The following EFCAB9 variants were observed in gnomAD, a reference collection of about 807,000 sequenced individuals.
EFCAB9 encodes the protein EF-hand calcium-binding domain-containing protein 9.
EFCAB9 carries 16 observed loss-of-function variants against 15.6 expected under a neutral mutation model. The ratio of observed to expected loss-of-function variants is 1.03; its 90% CI spans 0.69 to 1.56. EFCAB9 has a LOEUF of 1.56. Ranked by LOEUF, EFCAB9 falls within the 40% of genes most tolerant of loss-of-function variation. The pLI, the probability that EFCAB9 is intolerant of heterozygous loss-of-function variation, is 0.00. For synonymous variants in EFCAB9, 76 were observed against 85.4 expected (o/e 0.89, Z 0.61); for missense variants, 208 against 235.4 (o/e 0.88, Z 0.76).
intron 1 of EFCAB9, 107 bp downstream of exon 1, chr5:172,194,415 T>G (rs1269726291): frequency 7.1e-7 from 1 of 1,403,644 alleles, no homozygotes; most frequent in Non-Finnish European, 9.4e-7. Context: ...TTTTTTTTTT[T>G]TTGAGACGGA....
chr5:172,202,658 A>C (rs1323671448), intron 3 of EFCAB9, among the ~76,000 whole-genome samples: 1 of 151,936 alleles, frequency 6.6e-6, no homozygotes, highest in African/African-American at 2.4e-5. Context: ...CAGTGAGCTG[A>C]GATCACGCCA....
chr5:172,202,244 G>A (rs771048253), intron 3 of EFCAB9, among the ~76,000 whole-genome samples: 14 of 149,406 alleles, frequency 9.4e-5, no homozygotes, highest in Non-Finnish European at 2.1e-4. Context: ...GGGAGGCTAA[G>A]GCAGGAGAAT....
At chr5:172,200,218 C>T (rs1222043654) in intron 2 of EFCAB9, among the ~76,000 whole-genome samples, 2 of 152,152 alleles carry the variant, frequency 1.3e-5, no homozygotes, top group African/African-American at 4.8e-5. Flanking sequence ...CCACACCCCG[C>T]CTCAGTTCCC....
chr5:172,199,461 A>G lies in EFCAB9; in HGVS notation c.215A>G (p.Asp72Gly). ...ATCAACATTGTGTTTGACATGCTGG[A>G]CTGGAACGCTGTGGGCGAGATCGAC... Reference protein sequence around the residue: ...AQINIVFDMLDWNAVGEIDFE... With the variant: ...AQINIVFDMLGWNAVGEIDFE... The change falls in exon 2 of 4, where the codon GAC (aspartate) becomes GGC (glycine). Residue 72 changes from aspartate to glycine, a missense_variant. By Grantham distance (94) the Asp-to-Gly change is moderately conservative. Coordinates refer to ENST00000398186, the MANE Select transcript of EFCAB9 (RefSeq NM_001171183.2). The G allele has an allele frequency of 6.5e-7, 1 of 1,537,344 alleles. No individual in the cohort carries two copies. Among genetic ancestry groups the G allele is most frequent in the Non-Finnish European group, 8.7e-7 (1 of 1,146,930 alleles).
At chr5:172,200,403 G>C (rs550285276) in intron 2 of EFCAB9, among the ~76,000 whole-genome samples, 163 bp from the exon 3 acceptor site, 16 of 152,338 alleles carry the variant, frequency 1.1e-4, no homozygotes, top group Admixed American at 4.6e-4. Flanking sequence ...AGTGGGACTT[G>C]CTGCATTTGC....
intron 3 of EFCAB9, among the ~76,000 whole-genome samples, chr5:172,202,455 C>A (rs1034916535): frequency 3.3e-5 from 5 of 151,874 alleles, no homozygotes; most frequent in African/African-American, 1.2e-4. Context: ...TGACTGTAAT[C>A]CCAACATTTT....
intron 1 of EFCAB9, among the ~76,000 whole-genome samples, chr5:172,197,108 C>CT (rs769692171): frequency 1.5e-3 from 217 of 141,368 alleles, no homozygotes; most frequent in Admixed American, 1.4e-3. Context: ...TGAGGCACAA[C>CT]TTTTTTTTTT....
In EFCAB9 at chr5:172,194,280, G is replaced by A. The variant is rs201630030; in HGVS notation, c.108G>A (p.Leu36=). Residue 36 remains leucine (L), a synonymous_variant, in exon 1 of 4, where the codon CTG becomes CTA. Coordinates refer to ENST00000398186, the MANE Select transcript of EFCAB9 (RefSeq NM_001171183.2). The part of the protein sequence containing the change: ...VKALAEYFHI[L]DVHGKNTLND... ...CTTTGGCAGAATATTTTCATATTCT[G>A]GACGTGCACGGCAAGAACACCTTGA... is the stretch of plus-strand genomic sequence containing the variant. 41 of 1,537,866 alleles carry A rather than the reference G, an allele frequency of 2.7e-5. No individual in the cohort carries two copies. The highest frequency in any genetic ancestry group is 1.7e-4 in the Middle Eastern group (1 of 5,996).
rs778237155 is a variant in EFCAB9, at chr5:172,199,241, C to T, written c.137-142C>T. On this transcript the variant is annotated intron_variant, in intron 1 of 3. Coordinates refer to ENST00000398186, the MANE Select transcript of EFCAB9 (RefSeq NM_001171183.2). ...TCAGGAACTATAGAAAGTACAGTGG[C>T]AAAGCCAGAAACAAAATATTATCAT... is the stretch of plus-strand genomic sequence containing the variant. The T allele has an allele frequency of 1.5e-5, 17 of 1,131,160 alleles. No homozygotes were observed. The Middle Eastern group carries it at 8.6e-4, about 57-fold the overall frequency. 70.1% of individuals were successfully genotyped at this position (1,131,160 alleles called of 1,614,324 possible).
At position 172,195,768 on chromosome 5, in the gene EFCAB9, T is replaced by TGA. The variant is rs1344344887; in HGVS notation, c.136+1462_136+1463dup. 2.6e-5 allele frequency among the ~76,000 whole-genome samples: 4 copies of TGA among 152,208 alleles called. No homozygotes were observed. In the East Asian group the frequency reaches 7.7e-4, roughly 29 times the overall value. ...TGACTTAAGGTTTTGGAGACTTGGG[T>TGA]GAGCCAGAGTCCACCGGTTTCAAAA... is the stretch of plus-strand genomic sequence containing the variant. On this transcript the variant is annotated intron_variant, in intron 1 of 3. Transcript: ENST00000398186.
At chr5:172,195,355 G>A (rs12332126) in intron 1 of EFCAB9, among the ~76,000 whole-genome samples, 9,805 of 152,104 alleles carry the variant, frequency 0.064, 1,023 homozygotes, top group African/African-American at 0.22. Context: ...AATGTCATCC[G>A]TGAGTAAGGG....
rs924994884 is a variant in EFCAB9, at chr5:172,194,300, C to T, written c.128C>T (p.Thr43Ile). ...ATTCTGGACGTGCACGGCAAGAACA[C>T]CTTGAATGGTCAGTACTTTCAGACA... Reference protein sequence around the residue: ...FHILDVHGKNTLNDVLFYHFL... With the variant: ...FHILDVHGKNILNDVLFYHFL... The change falls in exon 1 of 4, where the codon ACC becomes ATC. Residue 43 changes from threonine (T) to isoleucine (I), a missense_variant. Physicochemically the swap from Thr to Ile is moderately conservative, Grantham distance 89. Coordinates refer to ENST00000398186, the MANE Select transcript of EFCAB9 (RefSeq NM_001171183.2). 3 of 1,537,756 alleles carry T rather than the reference C, an allele frequency of 2.0e-6. No homozygotes were observed. Among genetic ancestry groups the T allele is most frequent in the Non-Finnish European group, 2.6e-6 (3 of 1,147,046 alleles).
chr5:172,198,173 T>G (rs1001272692), intron 1 of EFCAB9, among the ~76,000 whole-genome samples: 1 of 152,174 alleles, frequency 6.6e-6, no homozygotes, highest in Non-Finnish European at 1.5e-5. Flanking sequence ...GATGCCACTT[T>G]CTCTGTAGGG....
chr5:172,196,453 C>G (rs938018573), intron 1 of EFCAB9, among the ~76,000 whole-genome samples: 1 of 151,572 alleles, frequency 6.6e-6, no homozygotes, highest in East Asian at 1.9e-4. Flanking sequence ...GTGGCGCCAT[C>G]TTGGCTCACT....
At chr5:172,197,703 G>A (rs1444971285) in intron 1 of EFCAB9, among the ~76,000 whole-genome samples, 1 of 152,158 alleles carries the variant, frequency 6.6e-6, no homozygotes, top group Non-Finnish European at 1.5e-5. Flanking sequence ...CGCGGTGAGT[G>A]TTACAGCTCT....
In EFCAB9 at chr5:172,203,326, C is replaced by A; in HGVS notation, c.575C>A (p.Ser192Ter). 2 of 1,533,434 alleles carry A rather than the reference C, an allele frequency of 1.3e-6. No homozygotes were observed. The highest frequency in any genetic ancestry group is 2.4e-5 in the South Asian group (2 of 83,576). The allele number at this position is 1,533,434 out of a possible 1,614,324, so 95.0% of individuals were successfully genotyped here. Reference protein sequence around the residue: ...EKGERKRSLYSKCHIK With the variant: ...EKGERKRSLY ...GGAGAGAGAAAGAGAAGTCTCTACT[C>A]AAAATGTCACATCAAGTAGATACAA... The change falls in exon 4 of 4, where the codon TCA becomes TAA. Residue 192 changes from serine (S) to a stop codon, truncating the protein, a stop_gained. Coordinates refer to ENST00000398186, the MANE Select transcript of EFCAB9 (RefSeq NM_001171183.2). LOFTEE classifies it low-confidence loss of function (END_TRUNC).
intron 3 of EFCAB9, 47 bp from the exon 4 acceptor site, chr5:172,203,167 A>T (rs1442592229): frequency 6.9e-7 from 1 of 1,445,022 alleles, no homozygotes; most frequent in Admixed American, 2.7e-5. Flanking sequence ...ACAAAGTATG[A>T]AGTTTTTCCT....
In EFCAB9 at chr5:172,203,200, C is replaced by A. The variant is rs529025948; in HGVS notation, c.463-14C>A. The A allele has an allele frequency of 1.3e-4, 155 of 1,204,964 alleles. 2 individuals carry two copies. The South Asian group carries it at 2.1e-3, about 16-fold the overall frequency. 74.6% of individuals were successfully genotyped at this position (1,204,964 alleles called of 1,614,324 possible). A position where few individuals can be genotyped will look rare whatever the true frequency, so the allele number is the denominator to read the frequency against. ...CCTGAAATAATTTTTCTTTCCCCCC[C>A]ACCCTAACCAAAGCGTCTTAATTAT... On this transcript the variant is annotated splice_polypyrimidine_tract_variant and intron_variant, in intron 3 of 3. Transcript: ENST00000398186.
intron 2 of EFCAB9, 110 bp from the exon 3 acceptor site, chr5:172,200,456 G>T: frequency 8.7e-7 from 1 of 1,146,484 alleles, no homozygotes; most frequent in Non-Finnish European, 1.2e-6. Flanking sequence ...TTTCTCTTTT[G>T]CTTTTAGCTC....
Sources: gnomAD v4.1 joint callset for allele counts (sites outside exome capture counted in the v4.1 genomes callset) on GRCh38, gnomAD v4.1.1 for gene constraint, MANE v1.5 for transcripts, NCBI Gene and HGNC (gene_info 2026-07-23, HGNC 2026-07-21) for gene names.